Variants in DOCK1 observed in about 807,000 individuals in gnomAD.
DOCK1 encodes dedicator of cytokinesis 1.
DOCK1 carries 138 observed loss-of-function variants against 262.7 expected under a neutral mutation model. The observed-to-expected ratio is 0.53, with a 90% confidence interval of 0.46 to 0.61. The LOEUF is 0.61. DOCK1 is among the 20% of genes least tolerant of loss of function. The probability of loss-of-function intolerance (pLI) is 0.00; values close to 1 mark genes in which losing one functional copy is unlikely to be tolerated. For missense variants in DOCK1, 1,908 were observed against 2,370.7 expected (o/e 0.80, Z 4.05); for synonymous variants, 866 against 867.4 (o/e 1.00, Z 0.03).
At chr10:127,262,080 G>T (rs1410950226) in intron 29 of DOCK1, among the ~76,000 whole-genome samples, 2 of 149,438 alleles carry the variant, frequency 1.3e-5, no homozygotes, top group African/African-American at 5.0e-5. Context: ...GCATGTGGGT[G>T]TGTGTGTGTA....
rs1170622824 is a variant in DOCK1, at chr10:127,061,775, A to G, written c.2444A>G (p.Lys815Arg). 1.3e-6 allele frequency: 2 copies of G among 1,581,102 alleles called. No individual in the cohort carries two copies. The highest frequency in any genetic ancestry group is 2.3e-5 in the East Asian group (1 of 43,374). The change falls in exon 23 of 52, where the codon AAG becomes AGG. Residue 815 changes from lysine (K) to arginine (R), a missense_variant and splice_region_variant. By Grantham distance (26) the Lys-to-Arg change is conservative (BLOSUM62 2). This residue lies in a region of DOCK1 where 518 missense variants were observed against 575.1 expected (regional missense o/e 0.90). Transcript: ENST00000623213. ...SSMSDQTVRV[K>R]GAALKYLPTI... ...ATGTCAGACCAGACCGTCCGGGTGAAGGTGAGTGCCGGCCACTGCCAAGGC... is the reference window on the plus strand; with the variant it reads ...ATGTCAGACCAGACCGTCCGGGTGAGGGTGAGTGCCGGCCACTGCCAAGGC...
At position 127,091,243 on chromosome 10, in the gene DOCK1, A is replaced by G. The variant is rs550972316; in HGVS notation, c.2446-14988A>G. Among the ~76,000 whole-genome samples, 11 of 152,272 alleles carry G rather than the reference A, an allele frequency of 7.2e-5. No homozygotes were observed. The South Asian group carries it at 2.3e-3, about 32-fold the overall frequency. On this transcript the variant is annotated intron_variant, in intron 23 of 51. Transcript: ENST00000623213. ...CGCGATCCGCCCGACTTGGCCTCCC[A>G]AAGTGCTGGGATTACAGGCGTGAGC...
intron 27 of DOCK1, among the ~76,000 whole-genome samples, chr10:127,216,311 A>G (rs928520210): frequency 0.011 from 3 of 282 alleles, no homozygotes; most frequent in African/African-American, 0.013. Context: ...TAATTTAGTA[A>G]AAAAAAAAAA....
chr10:127,122,283 G>A (rs906921107), intron 25 of DOCK1, among the ~76,000 whole-genome samples: 56 of 152,162 alleles, frequency 3.7e-4, no homozygotes, highest in Admixed American at 1.5e-3. Flanking sequence ...GCCATAGCCT[G>A]TGTGACCCTC....
At chr10:127,060,259 C>T (rs1479236642) in intron 22 of DOCK1, among the ~76,000 whole-genome samples, 1 of 152,060 alleles carries the variant, frequency 6.6e-6, no homozygotes, top group African/African-American at 2.4e-5. Flanking sequence ...TGATGGCTCC[C>T]GAAGGGTTGC....
chr10:127,126,468 C>T (rs1201688083), intron 26 of DOCK1, among the ~76,000 whole-genome samples: 7 of 152,086 alleles, frequency 4.6e-5, no homozygotes, highest in African/African-American at 7.2e-5. Flanking sequence ...AAGTAGCTCA[C>T]GCCTGTAATC....
At chr10:127,166,026 A>C (rs1212007742) in intron 27 of DOCK1, among the ~76,000 whole-genome samples, 2 of 152,204 alleles carry the variant, frequency 1.3e-5, no homozygotes, top group African/African-American at 4.8e-5. Context: ...TTGCATTAGC[A>C]AAAAAATTAA....
intron 27 of DOCK1, among the ~76,000 whole-genome samples, chr10:127,169,351 G>C (rs569932755): frequency 6.6e-6 from 1 of 152,330 alleles, no homozygotes; most frequent in East Asian, 1.9e-4. Flanking sequence ...GCCTGGCACA[G>C]TGTCCATCAC....
rs565534599 is a variant in DOCK1 at position 127,190,197 on chromosome 10, C to T, written c.2848-57811C>T. 3.3e-5 allele frequency among the ~76,000 whole-genome samples: 5 copies of T among 152,302 alleles called. No individual in the cohort carries two copies. The South Asian group carries it at 1.0e-3, about 32-fold the overall frequency. ...AACTTCTACCCAACTGAATTTTCAC[C>T]AAAGGAATCGCTGAGGTTGAGTTTG... On this transcript the variant is annotated intron_variant, in intron 27 of 51. Coordinates refer to ENST00000623213, the MANE Select transcript of DOCK1 (RefSeq NM_001290223.2).
Position 127,176,525 on chromosome 10 carries a change from C to A in DOCK1, c.2847+48761C>A. 2.6e-6 allele frequency: 2 copies of A among 781,866 alleles called. No individual in the cohort carries two copies. The allele number at this position is 781,866 out of a possible 1,614,324, so 48.4% of individuals were successfully genotyped here. A position where few individuals can be genotyped will look rare whatever the true frequency, so the allele number is the denominator to read the frequency against. On this transcript the variant is annotated intron_variant, in intron 27 of 51. Transcript: ENST00000623213. The surrounding 1 kb of genome is among the most constrained non-coding windows in gnomAD (Gnocchi z 4.4). ...CTAATTATATTTAAGCAGGTGAGGT[C>A]GGCCTTTATGTTAAGGAAAATCACA...
chr10:126,909,267 A>G (rs944204943), intron 1 of DOCK1, among the ~76,000 whole-genome samples: 2 of 152,154 alleles, frequency 1.3e-5, no homozygotes, highest in South Asian at 2.1e-4. Context: ...CGGCAGTTAC[A>G]AAGAATTGGA....
chr10:127,371,876 G>A (rs995938622), intron 33 of DOCK1, among the ~76,000 whole-genome samples: 1 of 152,096 alleles, frequency 6.6e-6, no homozygotes, highest in Non-Finnish European at 1.5e-5. Context: ...GTAAAGGGCA[G>A]GATAGCAGTG....
At chr10:127,136,112 A>C (rs1035434168) in intron 27 of DOCK1, 1 of 152,338 alleles carries the variant, frequency 6.6e-6, no homozygotes, top group African/African-American at 2.4e-5. Flanking sequence ...GTGTGTGCAC[A>C]TGTGTGTTTT....
intron 1 of DOCK1, among the ~76,000 whole-genome samples, chr10:126,947,350 T>C (rs1449563173): frequency 6.8e-6 from 1 of 146,594 alleles, no homozygotes; most frequent in Non-Finnish European, 1.5e-5. Flanking sequence ...TTGGTGATGG[T>C]GGTGGTTGGT....
chr10:127,268,131 A>C (rs965768695), intron 29 of DOCK1, among the ~76,000 whole-genome samples: 3 of 152,162 alleles, frequency 2.0e-5, no homozygotes, highest in Non-Finnish European at 2.9e-5. Flanking sequence ...CCCCTGCCGC[A>C]AAGAGTCATT....
In DOCK1 at chr10:127,452,328, A is replaced by AT. The variant is rs1554971634; in HGVS notation, c.*911dup. Reference sequence around the variant, plus strand: ...AAAACACACACACACACACACACACATTTTTTTTTTGAGAACTCCAAAGTC... The same window carrying AT: ...AAAACACACACACACACACACACACATTTTTTTTTTTGAGAACTCCAAAGTC... On this transcript the variant is annotated 3_prime_UTR_variant, in exon 52 of 52. Coordinates refer to ENST00000623213, the MANE Select transcript of DOCK1 (RefSeq NM_001290223.2). 954 of 147,638 alleles carry AT rather than the reference A, an allele frequency of 6.5e-3. 6 individuals are homozygous for AT. The highest frequency in any genetic ancestry group is 9.5e-3 in the Non-Finnish European group (630 of 66,306). 9.1% of individuals were successfully genotyped at this position (147,638 alleles called of 1,614,324 possible).
At chr10:127,327,306 A>G (rs1345772997) in intron 29 of DOCK1, among the ~76,000 whole-genome samples, 1 of 152,176 alleles carries the variant, frequency 6.6e-6, no homozygotes, top group African/African-American at 2.4e-5. Flanking sequence ...TAGTGTAGCC[A>G]CCCTCATCAA....
intron 1 of DOCK1, among the ~76,000 whole-genome samples, chr10:126,927,507 G>A (rs2033838300): frequency 6.6e-6 from 1 of 152,034 alleles, no homozygotes; most frequent in Non-Finnish European, 1.5e-5. Context: ...GGCCATCTCG[G>A]CTCACTGCAA....
chr10:127,246,036 G>A (rs1434337070), intron 27 of DOCK1, among the ~76,000 whole-genome samples: 1 of 152,162 alleles, frequency 6.6e-6, no homozygotes, highest in Admixed American at 6.5e-5. Flanking sequence ...GGTCAATTGT[G>A]GGCAGAGTAC....
Sources: gnomAD v4.1 joint callset for allele counts (sites outside exome capture counted in the v4.1 genomes callset) on GRCh38, gnomAD v4.1.1 for gene constraint, gnomAD v4.1.1 regional missense constraint, Gnocchi (gnomAD v3.1) non-coding constraint, MANE v1.5 for transcripts, NCBI Gene and HGNC (gene_info 2026-07-23, HGNC 2026-07-21) for gene names.